The following BMPR1B variants were observed in gnomAD, a reference collection of about 807,000 sequenced individuals.
The protein encoded by BMPR1B is bone morphogenetic protein receptor type 1B, also known as bone morphogenetic protein receptor type-1B.
A neutral mutation model predicts 59.1 loss-of-function variants in BMPR1B; 12 were observed. That is an observed-to-expected ratio of 0.20 (90% CI 0.13 to 0.33). The LOEUF is 0.33. Ranked by LOEUF, BMPR1B falls within the 10% of genes least tolerant of loss-of-function variation. The probability of loss-of-function intolerance (pLI) is 1.00; values close to 1 mark genes in which losing one functional copy is unlikely to be tolerated. For missense variants in BMPR1B, 550 were observed against 610.9 expected (o/e 0.90, Z 1.05); for synonymous variants, 237 against 207.3 (o/e 1.14, Z -1.23).
intron 2 of BMPR1B, among the ~76,000 whole-genome samples, chr4:94,977,333 C>A (rs999860109): frequency 2.0e-5 from 3 of 152,060 alleles, no homozygotes; most frequent in Non-Finnish European, 4.4e-5. Context: ...GTAGTCACAC[C>A]CTTACTTTTA....
intron 1 of BMPR1B, among the ~76,000 whole-genome samples, chr4:94,825,738 A>G (rs901331228): frequency 9.2e-5 from 14 of 152,202 alleles, no homozygotes; most frequent in Non-Finnish European, 2.1e-4. Context: ...GACTGCCTTT[A>G]TACAAATATC....
intron 1 of BMPR1B, among the ~76,000 whole-genome samples, chr4:94,814,782 A>G (rs1723946552): frequency 6.6e-6 from 1 of 152,198 alleles, no homozygotes; most frequent in Non-Finnish European, 1.5e-5. Flanking sequence ...ATTTCAAACT[A>G]TGTTTTTTGC....
intron 2 of BMPR1B, among the ~76,000 whole-genome samples, chr4:94,986,544 C>CTT (rs140475978): frequency 7.3e-5 from 11 of 150,748 alleles, no homozygotes; most frequent in African/African-American, 2.7e-4. Flanking sequence ...ATTTTTAGTC[C>CTT]TTTTTTTTTC....
At chr4:94,770,038 G>A (rs1190900694) in intron 1 of BMPR1B, among the ~76,000 whole-genome samples, 1 of 152,100 alleles carries the variant, frequency 6.6e-6, no homozygotes, top group Non-Finnish European at 1.5e-5. Context: ...GGGGTATGTA[G>A]AGTCTTCACA....
chr4:95,082,107 A>G (rs1729193625), intron 3 of BMPR1B, among the ~76,000 whole-genome samples: 1 of 146,920 alleles, frequency 6.8e-6, no homozygotes, highest in Non-Finnish European at 1.5e-5. Flanking sequence ...AGCATTAGGT[A>G]TATCTCCTAA....
rs1268246701 is a variant in BMPR1B at position 94,837,882 on chromosome 4, A to G, written c.-182-37949A>G. ...CCAGTTTTTGCCCATTGAGTATGAT[A>G]TTGTCTGTGGGTTTGTCATAGATAG... is the stretch of plus-strand genomic sequence containing the variant. On this transcript the variant is annotated intron_variant, in intron 1 of 12. Coordinates refer to ENST00000515059, the MANE Select transcript of BMPR1B (RefSeq NM_001203.3). 3.5e-5 allele frequency among the ~76,000 whole-genome samples: 5 copies of G among 142,386 alleles called. 1 individual carries two copies. Among genetic ancestry groups the G allele is most frequent in the African/African-American group, 1.3e-4 (5 of 37,652 alleles). The allele number at this position is 142,386 out of a possible 152,430, so 93.4% of individuals were successfully genotyped here. A position where few individuals can be genotyped will look rare whatever the true frequency, so the allele number is the denominator to read the frequency against.
chr4:94,769,501 C>T (rs576721715), intron 1 of BMPR1B, among the ~76,000 whole-genome samples: 42 of 152,050 alleles, frequency 2.8e-4, no homozygotes, highest in African/African-American at 9.6e-4. Context: ...TGCCAGCTAC[C>T]TGGAGGGCTG....
At chr4:94,860,801 G>C (rs995316070) in intron 1 of BMPR1B, among the ~76,000 whole-genome samples, 5 of 149,614 alleles carry the variant, frequency 3.3e-5, no homozygotes, top group Non-Finnish European at 7.4e-5. Flanking sequence ...GAGGTTCTTG[G>C]ACAAAACCTT....
chr4:95,124,917 G>A, intron 7 of BMPR1B, 66 bp from the exon 8 acceptor site: 1 of 1,443,106 alleles, frequency 6.9e-7, no homozygotes, highest in Non-Finnish European at 9.7e-7. Flanking sequence ...TACCATTTTA[G>A]TTGCAATATT....
Position 95,099,613 on chromosome 4 carries a change from C to T in BMPR1B, c.-17-4795C>T, listed in dbSNP as rs200262396. On this transcript the variant is annotated intron_variant, in intron 3 of 12. Transcript: ENST00000515059. ...TCTGTTTCACGCGCGCACACGCACA[C>T]ACACGCACACACACGTTACAGTAGG... Among the ~76,000 whole-genome samples, 91 of 152,120 alleles carry T rather than the reference C, an allele frequency of 6.0e-4. 3 individuals are homozygous for T. Among genetic ancestry groups the T allele is most frequent in the African/African-American group, 2.1e-3 (88 of 41,442 alleles).
intron 1 of BMPR1B, among the ~76,000 whole-genome samples, chr4:94,835,596 G>T (rs1724775665): frequency 6.6e-6 from 1 of 152,084 alleles, no homozygotes; most frequent in African/African-American, 2.4e-5. Context: ...AATGTGGTGT[G>T]AAAGATACAA....
chr4:95,104,352 G>A (rs1025329538), intron 3 of BMPR1B, 56 bp from the exon 4 acceptor site: 19 of 1,576,220 alleles, frequency 1.2e-5, no homozygotes, highest in Non-Finnish European at 1.7e-5. Flanking sequence ...CGTTTGAACA[G>A]AAGACTGGGG....
At chr4:95,077,009 G>A (rs572416106) in intron 3 of BMPR1B, among the ~76,000 whole-genome samples, 1 of 152,026 alleles carries the variant, frequency 6.6e-6, no homozygotes, top group Non-Finnish European at 1.5e-5. Context: ...GCATATGCAC[G>A]TGTGTTGTCT....
intron 2 of BMPR1B, among the ~76,000 whole-genome samples, chr4:94,928,731 C>T (rs970479715): frequency 2.6e-5 from 4 of 151,874 alleles, no homozygotes; most frequent in African/African-American, 9.7e-5. Context: ...TATTTTTGCT[C>T]ATTGGTCTTT....
chr4:94,854,800 T>G (rs2148950489), intron 1 of BMPR1B, among the ~76,000 whole-genome samples: 1 of 152,232 alleles, frequency 6.6e-6, no homozygotes, highest in Non-Finnish European at 1.5e-5. Flanking sequence ...ATGCGATAAC[T>G]TATTTTCCAA....
intron 3 of BMPR1B, chr4:94,996,399 C>T (rs1722061089): frequency 6.6e-6 from 1 of 152,144 alleles, no homozygotes; most frequent in South Asian, 2.1e-4. Context: ...GTTTCTGTCT[C>T]TTCATTCTGT....
chr4:95,061,015 C>T (rs112412155), intron 3 of BMPR1B, among the ~76,000 whole-genome samples: 106 of 146,236 alleles, frequency 7.2e-4, no homozygotes, highest in African/African-American at 2.5e-3. Context: ...TTTGCCTCTT[C>T]GGAAGTAAAT....
At position 95,158,388 on chromosome 4, in the gene BMPR1B, A is replaced by T. The variant is rs1338160731; in HGVS notation, c.*3715A>T. On this transcript the variant is annotated 3_prime_UTR_variant, in exon 13 of 13. Coordinates refer to ENST00000515059, the MANE Select transcript of BMPR1B (RefSeq NM_001203.3). Reference sequence around the variant, plus strand: ...TTGTATTGTATTTGTTACAGATTGTATATGGCTTTGTTTTAACATTCCCCT... The same window carrying T: ...TTGTATTGTATTTGTTACAGATTGTTTATGGCTTTGTTTTAACATTCCCCT... 1 of 152,214 alleles carries T rather than the reference A, an allele frequency of 6.6e-6. No individual in the cohort carries two copies. 9.4% of individuals were successfully genotyped at this position (152,214 alleles called of 1,614,324 possible).
chr4:95,080,230 G>C (rs573806406), intron 3 of BMPR1B, among the ~76,000 whole-genome samples: 1 of 152,230 alleles, frequency 6.6e-6, no homozygotes, highest in South Asian at 2.1e-4. Context: ...ATGTATGTAT[G>C]TATGTACATA....
Sources: gnomAD v4.1 joint callset for allele counts (sites outside exome capture counted in the v4.1 genomes callset) on GRCh38, gnomAD v4.1.1 for gene constraint, MANE v1.5 for transcripts, NCBI Gene and HGNC (gene_info 2026-07-23, HGNC 2026-07-21) for gene names.